Variants in NISCH observed in about 807,000 individuals in gnomAD.
NISCH encodes the protein nischarin.
A neutral mutation model predicts 138.4 loss-of-function variants in NISCH; 55 were observed. The observed-to-expected ratio is 0.40, with a 90% CI of 0.32 to 0.50. The LOEUF is 0.50. Among genes scored for constraint, NISCH ranks in the 20% least tolerant of loss-of-function variants. NISCH has a pLI of 0.71. For synonymous variants in NISCH, 860 were observed against 861.5 expected (o/e 1.00, Z 0.03); for missense variants, 1,643 against 2,005.5 (o/e 0.82, Z 3.45).
At chr3:52,490,289 G>C (rs540617120) in intron 18 of NISCH, 58 bp downstream of exon 18, 5 of 1,579,446 alleles carry the variant, frequency 3.2e-6, no homozygotes, top group South Asian at 2.2e-5. Context: ...GGGCAGGCCT[G>C]GGGGGTCATT....
intron 12 of NISCH, 24 bp downstream of exon 12, chr3:52,479,886 G>C: frequency 6.4e-7 from 1 of 1,570,118 alleles, no homozygotes; most frequent in South Asian, 1.1e-5. Context: ...GCAGGTGGGA[G>C]GGCAGTGGTG....
At chr3:52,473,182 T>C (rs1295032216) in intron 6 of NISCH, among the ~76,000 whole-genome samples, 2 of 152,178 alleles carry the variant, frequency 1.3e-5, no homozygotes, top group Admixed American at 6.5e-5. Flanking sequence ...GGGAAACTTG[T>C]GGTGTGCCCT....
intron 8 of NISCH, among the ~76,000 whole-genome samples, chr3:52,476,821 G>C (rs1424038222): frequency 7.2e-5 from 11 of 152,126 alleles, no homozygotes. Context: ...ATCACTTGAG[G>C]TCAGGAGTTC....
At chr3:52,456,048 C>T (rs1372831254) in intron 1 of NISCH, among the ~76,000 whole-genome samples, 3 of 151,948 alleles carry the variant, frequency 2.0e-5, no homozygotes, top group East Asian at 3.9e-4. Flanking sequence ...GGCGGAACCC[C>T]TCTAGATCCT....
chr3:52,464,401 C>CA lies in NISCH; in HGVS notation c.360+5565dup, dbSNP rs112134629. ...GACAGAGTAAGACTGTCTAAAAAAA[C>CA]AAAAAAAACAAAAAAAACAGATTAT... On this transcript the variant is annotated intron_variant, in intron 3 of 20. Transcript: ENST00000345716. Among the ~76,000 whole-genome samples the CA allele has an allele frequency of 9.9e-4, 144 of 145,502 alleles. 1 individual carries two copies. Among genetic ancestry groups the CA allele is most frequent in the East Asian group, 3.6e-3 (18 of 4,960 alleles).
At position 52,485,634 on chromosome 3, in the gene NISCH, G is replaced by A. The variant is rs1173334235; in HGVS notation, c.1654-144G>A. On this transcript the variant is annotated intron_variant, in intron 14 of 20. Transcript: ENST00000345716. The stretch of plus-strand genomic sequence containing the variant: ...AGAGTGGGCCCCAGGGTCCCAGAGT[G>A]GGCTCCAGGGTACAGCGTGGGGATG... 4 of 844,396 alleles carry A rather than the reference G, an allele frequency of 4.7e-6. No homozygotes were observed. The African/African-American group carries it at 5.1e-5, about 11-fold the overall frequency. 52.3% of individuals were successfully genotyped at this position (844,396 alleles called of 1,614,324 possible).
chr3:52,463,793 G>A (rs537810085), intron 3 of NISCH, among the ~76,000 whole-genome samples: 1 of 145,960 alleles, frequency 6.9e-6, no homozygotes, highest in Admixed American at 7.1e-5. Flanking sequence ...ATGTGATCCC[G>A]GCTCACTGCA....
At chr3:52,467,017 T>TG (rs1706800201) in intron 3 of NISCH, among the ~76,000 whole-genome samples, 1 of 149,678 alleles carries the variant, frequency 6.7e-6, no homozygotes, top group Non-Finnish European at 1.5e-5. Context: ...TTTTTTTTTT[T>TG]GAGACAGAGT....
intron 9 of NISCH, 134 bp from the exon 10 acceptor site, chr3:52,477,963 C>T (rs1316700161): frequency 8.6e-6 from 8 of 932,634 alleles, no homozygotes; most frequent in Middle Eastern, 3.4e-4. Context: ...GACTTCCCTT[C>T]CTAAAATAAC....
At chr3:52,483,726 C>T (rs1344879114) in intron 13 of NISCH, among the ~76,000 whole-genome samples, 2 of 152,196 alleles carry the variant, frequency 1.3e-5, no homozygotes, top group South Asian at 2.1e-4. Flanking sequence ...TGAATTGTCC[C>T]GTGCCCTGTG....
chr3:52,492,870 A>G lies in NISCH; in HGVS notation c.*388A>G, dbSNP rs1707611423. ...TGTTGCTGTTGCTGTTGCTGTTGGC[A>G]TCTTGCTGCTAATCCTGAGGCTGGT... On this transcript the variant is annotated 3_prime_UTR_variant, in exon 21 of 21. Coordinates refer to ENST00000345716, the MANE Select transcript of NISCH (RefSeq NM_007184.4). 4.3e-6 allele frequency: 1 copy of G among 235,046 alleles called. No homozygotes were observed. The highest frequency in any genetic ancestry group is 7.2e-5 in the South Asian group (1 of 13,824). 14.6% of individuals were successfully genotyped at this position (235,046 alleles called of 1,614,324 possible). A position where few individuals can be genotyped will look rare whatever the true frequency, so the allele number is the denominator to read the frequency against.
In NISCH at chr3:52,492,785, C is replaced by G. The variant is rs147954954; in HGVS notation, c.*303C>G. 2 of 417,558 alleles carry G rather than the reference C, an allele frequency of 4.8e-6. No homozygotes were observed. Among genetic ancestry groups the G allele is most frequent in the Non-Finnish European group, 4.3e-6 (1 of 232,496 alleles). 25.9% of individuals were successfully genotyped at this position (417,558 alleles called of 1,614,324 possible). A position where few individuals can be genotyped will look rare whatever the true frequency, so the allele number is the denominator to read the frequency against. The stretch of plus-strand genomic sequence containing the variant: ...CACGTGACACTGTGGGTCTGACTTT[C>G]TCTTCTACACGTCCTTTCCTGAAGT... On this transcript the variant is annotated 3_prime_UTR_variant, in exon 21 of 21. Transcript: ENST00000345716.
rs765913089 is a variant in NISCH, at chr3:52,472,019, G to A, written c.573+42G>A. On this transcript the variant is annotated intron_variant, in intron 5 of 20. Coordinates refer to ENST00000345716, the MANE Select transcript of NISCH (RefSeq NM_007184.4). ...TCAGTCATGGAGAGCCCCGCAGTCG[G>A]TGGGGGTGCAACCTGCGGGGGACTG... 25 of 1,536,802 alleles carry A rather than the reference G, an allele frequency of 1.6e-5. No homozygotes were observed. In the South Asian group the frequency reaches 2.3e-4, roughly 14 times the overall value.
intron 3 of NISCH, among the ~76,000 whole-genome samples, chr3:52,461,613 C>G (rs1426969512): frequency 6.6e-6 from 1 of 152,164 alleles, no homozygotes; most frequent in Non-Finnish European, 1.5e-5. Flanking sequence ...CCTGTAATCC[C>G]AGCACTTTGG....
intron 1 of NISCH, among the ~76,000 whole-genome samples, chr3:52,456,446 G>C (rs1706472794): frequency 6.6e-6 from 1 of 152,186 alleles, no homozygotes; most frequent in South Asian, 2.1e-4. Flanking sequence ...AAGCTATGGG[G>C]GAGACAGAGG....
intron 10 of NISCH, 48 bp downstream of exon 10, chr3:52,478,330 T>C: frequency 1.9e-6 from 3 of 1,608,094 alleles, no homozygotes; most frequent in East Asian, 2.2e-5. Flanking sequence ...CCTTGGTGTG[T>C]ATCATGTTAA....
intron 13 of NISCH, among the ~76,000 whole-genome samples, chr3:52,483,822 A>G (rs947136125): frequency 1.3e-5 from 2 of 152,226 alleles, no homozygotes; most frequent in Non-Finnish European, 2.9e-5. Context: ...GAGTGAACAC[A>G]TTTCAGGCTC....
intron 17 of NISCH, 157 bp from the exon 18 acceptor site, chr3:52,489,918 A>G: frequency 1.7e-6 from 2 of 1,204,430 alleles, no homozygotes; most frequent in Non-Finnish European, 2.3e-6. Context: ...ACCAACAGCC[A>G]TCTCCCACCC....
At chr3:52,480,603 C>T in intron 13 of NISCH, 4 of 1,430,098 alleles carry the variant, frequency 2.8e-6, no homozygotes, top group Non-Finnish European at 3.6e-6. Context: ...GGGCTGTTGG[C>T]TCATGGGACC....
Sources: gnomAD v4.1 joint callset for allele counts (sites outside exome capture counted in the v4.1 genomes callset) on GRCh38, gnomAD v4.1.1 for gene constraint, MANE v1.5 for transcripts, NCBI Gene and HGNC (gene_info 2026-07-23, HGNC 2026-07-21) for gene names.